The following PLCG2 variants were observed in gnomAD, a reference collection of about 807,000 sequenced individuals.
PLCG2 encodes 1-phosphatidylinositol 4,5-bisphosphate phosphodiesterase gamma-2.
A neutral mutation model predicts 175.6 loss-of-function variants in PLCG2; 69 were observed. That is an observed-to-expected ratio of 0.39 (90% CI 0.32 to 0.48). The LOEUF is 0.48. PLCG2 is among the 20% of genes least tolerant of loss of function. The probability of loss-of-function intolerance (pLI) is 0.91; values close to 1 mark genes in which losing one functional copy is unlikely to be tolerated. For synonymous variants in PLCG2, 827 were observed against 624.0 expected (o/e 1.33, Z -4.85); for missense variants, 1,798 against 1,650.9 (o/e 1.09, Z -1.54).
intron 2 of PLCG2, among the ~76,000 whole-genome samples, chr16:81,838,395 A>T (rs997454370): frequency 6.6e-6 from 1 of 152,200 alleles, no homozygotes; most frequent in African/African-American, 2.4e-5. Context: ...CCTGAAAGAT[A>T]TGAAATGTCT....
upstream of PLCG2, among the ~76,000 whole-genome samples, chr16:81,778,052 AAAC>A (rs1567457834): frequency 1.9e-5 from 2 of 102,982 alleles, no homozygotes; most frequent in African/African-American, 9.6e-5. Context: ...ACAAAAAAAA[AAAC>A]AAAAAAAACC....
intron 5 of PLCG2, among the ~76,000 whole-genome samples, chr16:81,860,227 A>T (rs1292917006): frequency 6.7e-6 from 1 of 149,188 alleles, no homozygotes; most frequent in Non-Finnish European, 1.5e-5. Flanking sequence ...TTTTTAAAAA[A>T]AGCAAACGCA....
chr16:81,832,261 G>C (rs770010311), intron 2 of PLCG2, among the ~76,000 whole-genome samples: 1 of 152,216 alleles, frequency 6.6e-6, no homozygotes, highest in African/African-American at 2.4e-5. Flanking sequence ...GTCACCATCA[G>C]AGCCTCTCTC....
intron 21 of PLCG2, chr16:81,921,658 T>C: frequency 3.4e-6 from 1 of 293,248 alleles, no homozygotes; most frequent in Non-Finnish European, 6.6e-6. Context: ...CCTGACTCTG[T>C]TGTGTAATTT....
upstream of PLCG2, among the ~76,000 whole-genome samples, chr16:81,778,997 C>T (rs913173090): frequency 6.6e-6 from 1 of 152,112 alleles, no homozygotes; most frequent in Non-Finnish European, 1.5e-5. Context: ...ACCTGGACTG[C>T]GGCCGGCTCT....
In PLCG2 at chr16:81,961,785, T is replaced by G. The variant is rs756991936; in HGVS notation, c.*3787T>G. Reference sequence around the variant, plus strand: ...GTAATACAACAGTTTTATTTAAACATGTAGTGTCTACGGTATGCCAGCACT... The same window carrying G: ...GTAATACAACAGTTTTATTTAAACAGGTAGTGTCTACGGTATGCCAGCACT... On this transcript the variant is annotated 3_prime_UTR_variant, in exon 33 of 33. Coordinates refer to ENST00000564138, the MANE Select transcript of PLCG2 (RefSeq NM_002661.5). 2.2e-4 allele frequency: 44 copies of G among 204,168 alleles called. No individual in the cohort carries two copies. Among genetic ancestry groups the G allele is most frequent in the Admixed American group, 1.1e-3 (18 of 16,810 alleles). The allele number at this position is 204,168 out of a possible 1,614,324, so 12.6% of individuals were successfully genotyped here. A position where few individuals can be genotyped will look rare whatever the true frequency, so the allele number is the denominator to read the frequency against.
intron 19 of PLCG2, among the ~76,000 whole-genome samples, chr16:81,917,201 C>T (rs1259936243): frequency 1.3e-5 from 2 of 148,724 alleles, no homozygotes; most frequent in Admixed American, 6.7e-5. Context: ...CAGGTTCATC[C>T]ATGCTGTTGC....
At chr16:81,937,654 A>T (rs928002752) in intron 27 of PLCG2, 104 bp from the exon 28 acceptor site, 1 of 977,220 alleles carries the variant, frequency 1.0e-6, no homozygotes, top group Non-Finnish European at 1.5e-6. Context: ...GCCTCACATT[A>T]ATTTGGGGAA....
Position 81,858,393 on chromosome 16 carries a change from G to C in PLCG2, c.431+37G>C, listed in dbSNP as rs4341734. 0.81 allele frequency: 1,135,023 copies of C among 1,409,220 alleles called. 460,505 individuals are homozygous for C. Among genetic ancestry groups the C allele is most frequent in the Non-Finnish European group, 0.83 (823,370 of 993,548 alleles). The allele number at this position is 1,409,220 out of a possible 1,614,324, so 87.3% of individuals were successfully genotyped here. A position where few individuals can be genotyped will look rare whatever the true frequency, so the allele number is the denominator to read the frequency against. ...TTGCCTGTTGATTTGCGTAGTTGCT[G>C]ATTCCTTTATTCTGCTGCCTTTAGC... On this transcript the variant is annotated intron_variant, in intron 4 of 32. Transcript: ENST00000564138.
At chr16:81,899,441 C>G (rs1426423584) in intron 13 of PLCG2, among the ~76,000 whole-genome samples, 1 of 152,026 alleles carries the variant, frequency 6.6e-6, no homozygotes, top group Non-Finnish European at 1.5e-5. Flanking sequence ...CTAAAATTGA[C>G]TTGTAACCCC....
intron 2 of PLCG2, among the ~76,000 whole-genome samples, chr16:81,851,480 GT>G (rs1438107911): frequency 2.0e-5 from 3 of 152,106 alleles, no homozygotes; most frequent in African/African-American, 2.4e-5. Flanking sequence ...ATGACGTGCT[GT>G]TTTTTTACTC....
At chr16:81,760,440 G>A (rs1910013867) in intron 2 of PLCG2, among the ~76,000 whole-genome samples, 1 of 152,166 alleles carries the variant, frequency 6.6e-6, no homozygotes, top group African/African-American at 2.4e-5. Context: ...CAAGCCTGAT[G>A]CTGGTACGTC....
intron 1 of PLCG2, among the ~76,000 whole-genome samples, chr16:81,752,817 G>A (rs976439335): frequency 1.3e-5 from 2 of 152,208 alleles, no homozygotes; most frequent in Non-Finnish European, 2.9e-5. Context: ...CCTCCCCGGT[G>A]AGTGGCTGTT....
chr16:81,941,857 G>C (rs1910955335), intron 30 of PLCG2, among the ~76,000 whole-genome samples: 1 of 152,098 alleles, frequency 6.6e-6, no homozygotes, highest in Non-Finnish European at 1.5e-5. Flanking sequence ...TTTTAGTAGA[G>C]ACGGGGTTTT....
chr16:81,919,464 C>A lies in PLCG2; in HGVS notation c.2055-20C>A, dbSNP rs563045009. ...CCACCAGGATCTTGGCATGTCAACCCTGTGTTCTTCCTGCTCCAGGGCTAG... is the reference window on the plus strand; with the variant it reads ...CCACCAGGATCTTGGCATGTCAACCATGTGTTCTTCCTGCTCCAGGGCTAG... On this transcript the variant is annotated intron_variant, in intron 19 of 32. Transcript: ENST00000564138. The A allele has an allele frequency of 1.3e-4, 205 of 1,606,190 alleles. 2 individuals carry two copies. Among genetic ancestry groups the A allele is most frequent in the Middle Eastern group, 1.3e-3 (7 of 5,496 alleles).
At chr16:81,957,806 G>T in intron 32 of PLCG2, 150 bp from the exon 33 acceptor site, 1 of 659,572 alleles carries the variant, frequency 1.5e-6, no homozygotes, top group Non-Finnish European at 2.7e-6. Flanking sequence ...CGTCTTACCA[G>T]GAACTTGGAG....
intron 2 of PLCG2, among the ~76,000 whole-genome samples, chr16:81,839,154 A>G (rs1160477000): frequency 1.3e-5 from 2 of 152,160 alleles, no homozygotes. Flanking sequence ...TCTTTTTGCC[A>G]AAAACATAAA....
In PLCG2 at chr16:81,959,982, G is replaced by A. The variant is rs370406050; in HGVS notation, c.*1984G>A. 80 of 208,582 alleles carry A rather than the reference G, an allele frequency of 3.8e-4. No individual in the cohort carries two copies. Among genetic ancestry groups the A allele is most frequent in the East Asian group, 9.4e-4 (13 of 13,844 alleles). The allele number at this position is 208,582 out of a possible 1,614,324, so 12.9% of individuals were successfully genotyped here. A position where few individuals can be genotyped will look rare whatever the true frequency, so the allele number is the denominator to read the frequency against. On this transcript the variant is annotated 3_prime_UTR_variant, in exon 33 of 33. Coordinates refer to ENST00000564138, the MANE Select transcript of PLCG2 (RefSeq NM_002661.5). ...CATATCAAAGAACCTGACATATGGC[G>A]GCATAGGAAGCAGAAGCTAAGCCTC...
intron 2 of PLCG2, among the ~76,000 whole-genome samples, chr16:81,762,600 A>G (rs1183717543): frequency 1.3e-5 from 2 of 151,860 alleles, no homozygotes; most frequent in African/African-American, 4.8e-5. Context: ...AATTGTCTGT[A>G]TTTTCCTTTA....
Sources: allele counts gnomAD v4.1 joint callset (sites outside exome capture counted in the v4.1 genomes callset), GRCh38; gene constraint gnomAD v4.1.1; transcripts MANE v1.5; gene names NCBI Gene and HGNC (gene_info 2026-07-23, HGNC 2026-07-21).